The following EPHA5 variants were observed in gnomAD, a reference collection of about 807,000 sequenced individuals.
The protein encoded by EPHA5 is ephrin type-A receptor 5.
In EPHA5, 60 loss-of-function variants were observed where a neutral mutation model predicts 105.0. The ratio of observed to expected loss-of-function variants is 0.57; its 90% CI spans 0.46 to 0.71. The LOEUF (loss-of-function observed/expected upper bound fraction) is 0.71, where lower values mean the gene tolerates loss of function less well. Among genes scored for constraint, EPHA5 ranks in the 30% least tolerant of loss-of-function variants. The pLI, the probability that EPHA5 is intolerant of heterozygous loss-of-function variation, is 0.00. For missense variants in EPHA5, 1,218 were observed against 1,274.7 expected (o/e 0.96, Z 0.68); for synonymous variants, 513 against 449.1 (o/e 1.14, Z -1.80).
At chr4:65,452,581 CAA>C (rs34579426) in intron 5 of EPHA5, among the ~76,000 whole-genome samples, 36,426 of 139,850 alleles carry the variant, frequency 0.26, 5,074 homozygotes, top group Middle Eastern at 0.43. Flanking sequence ...GCTAAAATAC[CAA>C]AAAAAAAAAA....
intron 3 of EPHA5, among the ~76,000 whole-genome samples, chr4:65,551,065 T>C (rs901835839): frequency 2.0e-5 from 3 of 151,966 alleles, no homozygotes; most frequent in African/African-American, 7.2e-5. Flanking sequence ...TACATATTTG[T>C]ACATATACAC....
intron 1 of EPHA5, among the ~76,000 whole-genome samples, chr4:65,669,015 T>G (rs548103593): frequency 1.7e-3 from 261 of 152,020 alleles, no homozygotes; most frequent in African/African-American, 5.8e-3. Flanking sequence ...CACCCCAGAA[T>G]AGCAGCTGGT....
At chr4:65,498,576 G>C (rs1031754065) in intron 3 of EPHA5, among the ~76,000 whole-genome samples, 1 of 151,670 alleles carries the variant, frequency 6.6e-6, no homozygotes. Context: ...TAAAACGAGG[G>C]GAATTCAAGA....
intron 8 of EPHA5, among the ~76,000 whole-genome samples, chr4:65,400,849 T>G (rs932533471): frequency 6.6e-6 from 1 of 152,128 alleles, no homozygotes; most frequent in East Asian, 1.9e-4. Context: ...CAATGAATAT[T>G]ACATGCAAGT....
intron 3 of EPHA5, among the ~76,000 whole-genome samples, chr4:65,598,643 G>A (rs112097107): frequency 2.0e-5 from 3 of 152,280 alleles, no homozygotes; most frequent in African/African-American, 7.2e-5. Context: ...AGATATATGA[G>A]TAAACAGTGA....
At chr4:65,477,032 C>T (rs562423993) in intron 5 of EPHA5, among the ~76,000 whole-genome samples, 26 of 152,192 alleles carry the variant, frequency 1.7e-4, no homozygotes, top group Middle Eastern at 3.4e-3. Flanking sequence ...ACCATTGAAC[C>T]CATCATTTAT....
At chr4:65,522,316 G>GTATATATATATATATATATATATATATA (rs58851174) in intron 3 of EPHA5, among the ~76,000 whole-genome samples, 23 of 142,858 alleles carry the variant, frequency 1.6e-4, no homozygotes, top group African/African-American at 5.6e-4. Context: ...ATATATATAT[G>GTATATATATATATATATATATATATATA]TATATATATA....
At chr4:65,512,803 G>A (rs910712826) in intron 3 of EPHA5, among the ~76,000 whole-genome samples, 1 of 151,968 alleles carries the variant, frequency 6.6e-6, no homozygotes, top group African/African-American at 2.4e-5. Context: ...GTTTCATACC[G>A]ATCTCATGGC....
intron 8 of EPHA5, among the ~76,000 whole-genome samples, chr4:65,399,723 A>T (rs550648559): frequency 2.6e-5 from 4 of 152,372 alleles, no homozygotes; most frequent in Non-Finnish European, 5.9e-5. Context: ...CTAATTGTGT[A>T]TGTGGACTTA....
chr4:65,404,390 C>T lies in EPHA5; in HGVS notation c.1777G>A (p.Val593Ile), dbSNP rs756653935. Residue 593 changes from valine (V) to isoleucine (I), a missense_variant, in exon 8 of 17, where the codon GTC (valine) becomes ATC (isoleucine). By Grantham distance (29) the Val-to-Ile change is conservative (BLOSUM62 3). Coordinates refer to ENST00000613740, the MANE Select transcript of EPHA5 (RefSeq NM_001281766.3). The part of the protein sequence containing the change: ...GVILLAVVIG[V>I]LLSGRRCGYS... ...CTCTCTTACCTTCCACTGAGGAGGACGCCGATAACCACTGCCAACAAAATG... is the reference window on the plus strand; with the variant it reads ...CTCTCTTACCTTCCACTGAGGAGGATGCCGATAACCACTGCCAACAAAATG... 59 of 1,613,276 alleles carry T rather than the reference C, an allele frequency of 3.7e-5. No individual in the cohort carries two copies. The highest frequency in any genetic ancestry group is 2.1e-4 in the African/African-American group (16 of 74,884).
At chr4:65,408,125 G>A (rs1490547611) in intron 7 of EPHA5, among the ~76,000 whole-genome samples, 2 of 152,024 alleles carry the variant, frequency 1.3e-5, no homozygotes, top group African/African-American at 4.8e-5. Flanking sequence ...TCTTTTGTTG[G>A]ACCTGAGGGC....
intron 7 of EPHA5, 150 bp downstream of exon 7, chr4:65,414,134 T>G (rs1156784512): frequency 1.5e-6 from 1 of 685,694 alleles, no homozygotes. Context: ...CATAATAGCA[T>G]GACAGATGCT....
At chr4:65,619,225 C>T (rs2149473066) in intron 2 of EPHA5, among the ~76,000 whole-genome samples, 1 of 152,252 alleles carries the variant, frequency 6.6e-6, no homozygotes, top group African/African-American at 2.4e-5. Context: ...CACATTACTT[C>T]ATAGACATTT....
chr4:65,336,050 G>A lies in EPHA5; in HGVS notation c.2671C>T (p.Leu891=), dbSNP rs2148813511. Residue 891 remains leucine (L), a synonymous_variant, in exon 15 of 17, where the codon CTG becomes TTG. Coordinates refer to ENST00000613740, the MANE Select transcript of EPHA5 (RefSeq NM_001281766.3). ...DCPAALYQLM[L]DCWQKERNSR... Reference sequence around the variant, plus strand: ...TTTCGCTCTTTCTGCCAGCAATCCAGCATTAACTGATAGAGAGCAGCAGGA... The same window carrying A: ...TTTCGCTCTTTCTGCCAGCAATCCAACATTAACTGATAGAGAGCAGCAGGA... 2.5e-6 allele frequency: 4 copies of A among 1,613,344 alleles called. No individual in the cohort carries two copies. Among genetic ancestry groups the A allele is most frequent in the East Asian group, 2.2e-5 (1 of 44,822 alleles).
chr4:65,409,661 G>A (rs1722732829), intron 7 of EPHA5, among the ~76,000 whole-genome samples: 2 of 152,162 alleles, frequency 1.3e-5, no homozygotes. Context: ...AAGAATTTGG[G>A]ATCCTTCTCT....
chr4:65,360,480 T>A (rs1370036118), intron 11 of EPHA5, among the ~76,000 whole-genome samples: 3 of 151,740 alleles, frequency 2.0e-5, no homozygotes, highest in African/African-American at 7.2e-5. Flanking sequence ...ATTCCCATGC[T>A]AGTTTTATGA....
intron 16 of EPHA5, chr4:65,330,731 A>AT: frequency 1.0e-6 from 1 of 990,148 alleles, no homozygotes; most frequent in Admixed American, 5.9e-5. Context: ...TTATCAGTAA[A>AT]TTTTTCAGTA....
At chr4:65,498,427 CA>C (rs1560610134) in intron 3 of EPHA5, among the ~76,000 whole-genome samples, 1 of 151,748 alleles carries the variant, frequency 6.6e-6, no homozygotes, top group Non-Finnish European at 1.5e-5. Context: ...ATAATGAGAT[CA>C]AAGTAGTGTT....
intron 3 of EPHA5, among the ~76,000 whole-genome samples, chr4:65,546,595 A>AT (rs1273934050): frequency 6.6e-6 from 1 of 151,964 alleles, no homozygotes; most frequent in African/African-American, 2.4e-5. Flanking sequence ...CTGTCCACTG[A>AT]TTTTTAACGT....
Sources: allele counts gnomAD v4.1 joint callset (sites outside exome capture counted in the v4.1 genomes callset), GRCh38; gene constraint gnomAD v4.1.1; transcripts MANE v1.5; gene names NCBI Gene and HGNC (gene_info 2026-07-23, HGNC 2026-07-21).